PDE9A: variants seen among roughly 807,000 people sequenced by gnomAD.
PDE9A encodes phosphodiesterase 9A, also known as high affinity cGMP-specific 3',5'-cyclic phosphodiesterase 9A.
A neutral mutation model predicts 87.4 loss-of-function variants in PDE9A; 60 were observed. The ratio of observed to expected loss-of-function variants is 0.69; its 90% confidence interval spans 0.56 to 0.85. PDE9A has a LOEUF of 0.85. Ranked by LOEUF, PDE9A falls within the 40% of genes least tolerant of loss-of-function variation. The pLI is 0.00. For synonymous variants in PDE9A, 272 were observed against 279.4 expected, an observed-to-expected ratio of 0.97 and a Z score of 0.27; for missense variants, 665 against 779.0, an observed-to-expected ratio of 0.85 and a Z score of 1.74.
intron 4 of PDE9A, among the ~76,000 whole-genome samples, chr21:42,711,716 T>C (rs1240739554): frequency 1.3e-5 from 2 of 152,230 alleles, no homozygotes; most frequent in Admixed American, 6.5e-5. Context: ...TAATCTGTCA[T>C]TCATTTCAAG....
At chr21:42,745,958 G>T (rs1164933070) in intron 8 of PDE9A, among the ~76,000 whole-genome samples, 3 of 152,242 alleles carry the variant, frequency 2.0e-5, no homozygotes, top group African/African-American at 7.2e-5. Flanking sequence ...GCCAGGCCAT[G>T]CCTCCCGAAG....
At position 42,695,510 on chromosome 21, in the gene PDE9A, G is replaced by A. The variant is rs62215404; in HGVS notation, c.219-3458G>A. Among the ~76,000 whole-genome samples the A allele has an allele frequency of 0.11, 16,815 of 152,234 alleles. 1,188 individuals are homozygous for A. The highest frequency in any genetic ancestry group is 0.2 in the Middle Eastern group (58 of 294). ...AGAGGGGAGAGGGCCAGAGGACGGCGCCGTGCGACACACACCATTGCTCCT... is the reference window on the plus strand; with the variant it reads ...AGAGGGGAGAGGGCCAGAGGACGGCACCGTGCGACACACACCATTGCTCCT... On this transcript the variant is annotated intron_variant, in intron 3 of 19. Transcript: ENST00000291539. This position sits in a 1 kb window ranked among gnomAD's most constrained non-coding sequence, Gnocchi z 4.3.
At position 42,762,239 on chromosome 21, in the gene PDE9A, G is replaced by T; in HGVS notation, c.1242G>T (p.Gln414His). Residue 414 changes from glutamine to histidine, a missense_variant and splice_region_variant, in exon 14 of 20, where the codon CAG (glutamine) becomes CAT (histidine). Physicochemically the swap from Gln to His is conservative, Grantham distance 24. Coordinates refer to ENST00000291539, the MANE Select transcript of PDE9A (RefSeq NM_002606.3). ...CTGATGGGTTCAAGCAGATCCGACA[G>T]GTGTGTGGGGTGAGGGCCCTCCCAC... ...IPPDGFKQIR[Q>H]GMITLILATD... is the part of the protein sequence containing the mutation. 1 of 1,613,554 alleles carries T rather than the reference G, an allele frequency of 6.2e-7. No individual in the cohort carries two copies. The highest frequency in any genetic ancestry group is 1.1e-5 in the South Asian group (1 of 91,034).
intron 1 of PDE9A, among the ~76,000 whole-genome samples, chr21:42,662,327 G>C (rs2057565736): frequency 6.6e-6 from 1 of 152,000 alleles, no homozygotes; most frequent in Non-Finnish European, 1.5e-5. Flanking sequence ...TCACAGCTCT[G>C]CTTCCCAGGT....
At chr21:42,681,537 T>C (rs376104035) in intron 1 of PDE9A, among the ~76,000 whole-genome samples, 8 of 152,326 alleles carry the variant, frequency 5.3e-5, no homozygotes, top group East Asian at 1.9e-4. Context: ...TTCTCTAATG[T>C]AGGCAGCTTG....
chr21:42,684,149 G>T (rs867431397), intron 1 of PDE9A, among the ~76,000 whole-genome samples: 1 of 152,282 alleles, frequency 6.6e-6, no homozygotes, highest in African/African-American at 2.4e-5. Context: ...CCAGAAGCAC[G>T]CTTTGAAGAC....
chr21:42,759,866 C>G lies in PDE9A; in HGVS notation c.898-462C>G. Among the ~76,000 whole-genome samples, 1 of 146,640 alleles carries G rather than the reference C, an allele frequency of 6.8e-6. No homozygotes were observed. The highest frequency in any genetic ancestry group is 1.5e-5 in the Non-Finnish European group (1 of 66,510). On this transcript the variant is annotated intron_variant, in intron 11 of 19. Transcript: ENST00000291539. This position sits in a 1 kb window ranked among gnomAD's most constrained non-coding sequence, Gnocchi z 7.2. ...TGTGTGGTGTGTGAGTGGGTGTGTGCATGTGGGTGTCTGCCTGTGTGAATA... is the reference window on the plus strand; with the variant it reads ...TGTGTGGTGTGTGAGTGGGTGTGTGGATGTGGGTGTCTGCCTGTGTGAATA...
chr21:42,743,992 G>A (rs1416535288), intron 8 of PDE9A, 132 bp downstream of exon 8: 3 of 627,690 alleles, frequency 4.8e-6, no homozygotes, highest in Admixed American at 2.8e-5. Flanking sequence ...GCTTGGGAGA[G>A]TGCAGTCTGG....
At chr21:42,770,175 C>T (rs1051034537) in intron 17 of PDE9A, among the ~76,000 whole-genome samples, 1 of 152,128 alleles carries the variant, frequency 6.6e-6, no homozygotes, top group Non-Finnish European at 1.5e-5. Context: ...CCAGCTCCCC[C>T]CAGGGCCTCT....
At chr21:42,655,412 G>A (rs2056984791) in intron 1 of PDE9A, among the ~76,000 whole-genome samples, 1 of 152,194 alleles carries the variant, frequency 6.6e-6, no homozygotes. Context: ...AGGAGGGGTG[G>A]GAGGAGGACG....
intron 7 of PDE9A, chr21:42,733,799 T>G (rs991513811): frequency 4.9e-6 from 1 of 205,338 alleles, no homozygotes; most frequent in African/African-American, 2.3e-5. Flanking sequence ...TGGGTCATAA[T>G]TTTTTGGAAT....
intron 17 of PDE9A, among the ~76,000 whole-genome samples, chr21:42,770,358 A>T (rs7281623): frequency 2.0e-5 from 3 of 151,940 alleles, no homozygotes; most frequent in African/African-American, 7.3e-5. Context: ...CTTGGAGCCA[A>T]CCCACCCACT....
intron 8 of PDE9A, among the ~76,000 whole-genome samples, chr21:42,744,259 G>A (rs1001653001): frequency 2.6e-5 from 4 of 152,078 alleles, no homozygotes; most frequent in Non-Finnish European, 4.4e-5. Context: ...AAGCTGAGGC[G>A]GGAGAATCGC....
intron 17 of PDE9A, 45 bp from the exon 18 acceptor site, chr21:42,770,658 C>G: frequency 6.8e-7 from 1 of 1,476,714 alleles, no homozygotes; most frequent in Non-Finnish European, 9.5e-7. Context: ...TTTCCCATTG[C>G]CTTAAGAACG....
chr21:42,746,660 G>T (rs1314031495), intron 8 of PDE9A, among the ~76,000 whole-genome samples: 3 of 152,216 alleles, frequency 2.0e-5, no homozygotes, highest in Non-Finnish European at 4.4e-5. Flanking sequence ...AACTTTTGGG[G>T]GGAGATGTAC....
intron 9 of PDE9A, among the ~76,000 whole-genome samples, chr21:42,753,057 T>A (rs1041164592): frequency 1.3e-5 from 2 of 152,136 alleles, no homozygotes; most frequent in Non-Finnish European, 2.9e-5. Context: ...CCCAGGCTGG[T>A]GTGCAGTGGC....
intron 4 of PDE9A, among the ~76,000 whole-genome samples, chr21:42,728,087 A>G (rs1251900195): frequency 1.3e-5 from 2 of 152,232 alleles, no homozygotes; most frequent in Non-Finnish European, 2.9e-5. Context: ...AACAAGAAAA[A>G]CAATACAAAT....
intron 6 of PDE9A, among the ~76,000 whole-genome samples, chr21:42,732,381 G>A (rs1335404408): frequency 6.6e-6 from 1 of 152,218 alleles, no homozygotes; most frequent in East Asian, 1.9e-4. Flanking sequence ...GTGAGGTCGA[G>A]AATGTTCTCC....
In PDE9A at chr21:42,726,622, A is replaced by ATTTT. The variant is rs1445924271; in HGVS notation, c.263-5147_263-5146insTTTT. 1.5e-3 allele frequency among the ~76,000 whole-genome samples: 37 copies of ATTTT among 25,212 alleles called. 1 individual carries two copies. The highest frequency in any genetic ancestry group is 2.6e-3 in the Admixed American group (5 of 1,908). The allele number at this position is 25,212 out of a possible 152,430, so 16.5% of individuals were successfully genotyped here. ...TATATATATATATATATATATATAT[A>ATTTT]TATTTTTTTTTTTTTTTTTGTAGAG... is the stretch of plus-strand genomic sequence containing the variant. On this transcript the variant is annotated intron_variant, in intron 4 of 19. Coordinates refer to ENST00000291539, the MANE Select transcript of PDE9A (RefSeq NM_002606.3).
Sources: gnomAD v4.1 joint callset for allele counts (sites outside exome capture counted in the v4.1 genomes callset) on GRCh38, gnomAD v4.1.1 for gene constraint, Gnocchi (gnomAD v3.1) non-coding constraint, MANE v1.5 for transcripts, NCBI Gene and HGNC (gene_info 2026-07-23, HGNC 2026-07-21) for gene names.